Variants in ITGA2 observed in about 807,000 individuals in gnomAD.
ITGA2 encodes integrin subunit alpha 2.
A neutral mutation model predicts 146.3 loss-of-function variants in ITGA2; 101 were observed. That is an observed-to-expected ratio of 0.69 (90% CI 0.59 to 0.81). The LOEUF (loss-of-function observed/expected upper bound fraction) is 0.81, where lower values mean the gene tolerates loss of function less well. ITGA2 is among the 40% of genes least tolerant of loss of function. ITGA2 has a pLI of 0.00. For missense variants in ITGA2, 1,281 were observed against 1,402.7 expected (o/e 0.91, Z 1.39); for synonymous variants, 477 against 487.1 (o/e 0.98, Z 0.27).
At chr5:53,079,098 A>G (rs1220636122) in intron 24 of ITGA2, among the ~76,000 whole-genome samples, 1 of 152,150 alleles carries the variant, frequency 6.6e-6, no homozygotes, top group Non-Finnish European at 1.5e-5. Flanking sequence ...ACACATTTGC[A>G]TATCTAACAA....
chr5:53,015,490 T>C (rs1742360035), intron 1 of ITGA2, among the ~76,000 whole-genome samples: 1 of 151,894 alleles, frequency 6.6e-6, no homozygotes, highest in Non-Finnish European at 1.5e-5. Flanking sequence ...TTTAATTTGC[T>C]GAGAATTGTT....
At chr5:53,055,732 ATCTT>A (rs1354481693) in intron 8 of ITGA2, 44 bp downstream of exon 8, 1 of 1,603,904 alleles carries the variant, frequency 6.2e-7, no homozygotes, top group Non-Finnish European at 8.5e-7. Flanking sequence ...TATTGGGTAA[ATCTT>A]TCTTTATAGC....
chr5:53,018,997 G>A (rs1051610791), intron 1 of ITGA2, among the ~76,000 whole-genome samples: 1 of 152,102 alleles, frequency 6.6e-6, no homozygotes, highest in Non-Finnish European at 1.5e-5. Context: ...CCGGGAGGCG[G>A]AGGTTGCAGT....
chr5:53,041,571 G>A (rs1743799088), intron 2 of ITGA2, among the ~76,000 whole-genome samples: 1 of 152,104 alleles, frequency 6.6e-6, no homozygotes, highest in African/African-American at 2.4e-5. Flanking sequence ...CTTTAGAGCT[G>A]TGCTGAACAA....
chr5:53,061,706 A>C (rs1352566274), intron 12 of ITGA2, among the ~76,000 whole-genome samples: 1 of 151,900 alleles, frequency 6.6e-6, no homozygotes, highest in Non-Finnish European at 1.5e-5. Context: ...TTTCCTTACT[A>C]AACAGTTTTG....
chr5:53,074,939 A>G, intron 21 of ITGA2, 122 bp from the exon 22 acceptor site: 1 of 709,098 alleles, frequency 1.4e-6, no homozygotes, highest in Non-Finnish European at 2.5e-6. Flanking sequence ...TTGAAAGCTT[A>G]AGGTATATAA....
intron 15 of ITGA2, among the ~76,000 whole-genome samples, chr5:53,066,591 A>G (rs551659610): frequency 1.4e-4 from 22 of 152,026 alleles, no homozygotes; most frequent in Middle Eastern, 3.4e-3. Context: ...TCTCTGTCAA[A>G]AAATGTGCTT....
intron 8 of ITGA2, 30 bp from the exon 9 acceptor site, chr5:53,055,954 G>A (rs371002070): frequency 6.3e-7 from 1 of 1,591,832 alleles, no homozygotes; most frequent in Non-Finnish European, 8.6e-7. Context: ...CAGCAGTAAT[G>A]ACTGCACATT....
At position 53,012,554 on chromosome 5, in the gene ITGA2, A is replaced by G. The variant is rs185653720; in HGVS notation, c.65-14194A>G. 5.9e-5 allele frequency among the ~76,000 whole-genome samples: 9 copies of G among 152,266 alleles called. No individual in the cohort carries two copies. The East Asian group carries it at 9.6e-4, about 16-fold the overall frequency. On this transcript the variant is annotated intron_variant, in intron 1 of 29. Transcript: ENST00000296585. Reference sequence around the variant, plus strand: ...CTTTGCTATTGTGAATAGCACTGCAATGAACATAGGCATGCATGTGTCTTT... The same window carrying G: ...CTTTGCTATTGTGAATAGCACTGCAGTGAACATAGGCATGCATGTGTCTTT...
In ITGA2 at chr5:53,055,547, T is replaced by C. The variant is rs1139484; in HGVS notation, c.789T>C (p.Ala263=). 144,290 of 1,612,506 alleles carry C rather than the reference T, an allele frequency of 0.089. 7,096 individuals are homozygous for C. The highest frequency in any genetic ancestry group is 0.17 in the African/African-American group (12,565 of 74,908). Residue 263 remains alanine, a synonymous_variant, in exon 8 of 30, where the codon GCT becomes GCC. Transcript: ENST00000296585. ...FGAIQYARKY[A]YSAASGGRRS... is the part of the protein sequence containing the mutation. ...ATTTTATCTGCCACAGAAAATATGC[T>C]TATTCAGCAGCTTCTGGTGGGCGAC...
At chr5:52,995,887 G>C (rs1741218769) in intron 1 of ITGA2, among the ~76,000 whole-genome samples, 1 of 152,122 alleles carries the variant, frequency 6.6e-6, no homozygotes, top group Admixed American at 6.5e-5. Flanking sequence ...AAATGTGAAG[G>C]GAGAGAGTAG....
intron 1 of ITGA2, among the ~76,000 whole-genome samples, chr5:53,013,439 G>A (rs1431252019): frequency 6.6e-6 from 1 of 151,216 alleles, no homozygotes; most frequent in Non-Finnish European, 1.5e-5. Flanking sequence ...TTATTTCTGG[G>A]GCTCTCTATT....
At chr5:53,056,812 A>G (rs1208807513) in intron 9 of ITGA2, among the ~76,000 whole-genome samples, 1 of 151,468 alleles carries the variant, frequency 6.6e-6, no homozygotes, top group Non-Finnish European at 1.5e-5. Context: ...CACACACTTC[A>G]CAGTTGGTTA....
intron 26 of ITGA2, among the ~76,000 whole-genome samples, chr5:53,082,767 T>C (rs1156753858): frequency 6.6e-6 from 1 of 152,196 alleles, no homozygotes. Context: ...AAATGACATG[T>C]ATCCACCACT....
At chr5:52,992,864 A>G (rs1741044844) in intron 1 of ITGA2, among the ~76,000 whole-genome samples, 1 of 152,000 alleles carries the variant, frequency 6.6e-6, no homozygotes, top group Non-Finnish European at 1.5e-5. Flanking sequence ...TCTTTTCTTT[A>G]CTGTATGCTT....
intron 4 of ITGA2, among the ~76,000 whole-genome samples, chr5:53,047,269 G>A (rs889066517): frequency 6.6e-6 from 1 of 152,052 alleles, no homozygotes; most frequent in Non-Finnish European, 1.5e-5. Context: ...AATTCTGTAG[G>A]CATTTTTTAG....
chr5:53,040,186 A>G (rs959801295), intron 2 of ITGA2, among the ~76,000 whole-genome samples: 3 of 152,216 alleles, frequency 2.0e-5, no homozygotes, highest in African/African-American at 7.2e-5. Flanking sequence ...GAGAAGCTAA[A>G]TTCGATATGA....
chr5:53,052,649 C>T (rs1744429715), intron 7 of ITGA2, among the ~76,000 whole-genome samples: 1 of 151,912 alleles, frequency 6.6e-6, no homozygotes, highest in African/African-American at 2.4e-5. Flanking sequence ...ACCCTGTGGT[C>T]CCACCTTAAA....
At chr5:53,084,665 G>A (rs1384967869) in intron 27 of ITGA2, among the ~76,000 whole-genome samples, 1 of 149,680 alleles carries the variant, frequency 6.7e-6, no homozygotes, top group African/African-American at 2.5e-5. Context: ...GACGTGAAGC[G>A]TGCCGTTAGT....
Sources: gnomAD v4.1 joint callset for allele counts (sites outside exome capture counted in the v4.1 genomes callset) on GRCh38, gnomAD v4.1.1 for gene constraint, MANE v1.5 for transcripts, NCBI Gene and HGNC (gene_info 2026-07-23, HGNC 2026-07-21) for gene names.